TDRD9: variants seen among roughly 807,000 people sequenced by gnomAD.
The protein encoded by TDRD9 is tudor domain containing 9, also known as ATP-dependent RNA helicase TDRD9.
A neutral mutation model predicts 172.6 loss-of-function variants in TDRD9; 124 were observed. The ratio of observed to expected loss-of-function variants is 0.72; its 90% CI spans 0.62 to 0.83. The LOEUF is 0.83. Among genes scored for constraint, TDRD9 ranks in the 40% least tolerant of loss-of-function variants. The probability of loss-of-function intolerance (pLI) is 0.00; values close to 1 mark genes in which losing one functional copy is unlikely to be tolerated. For missense variants in TDRD9, 1,479 were observed against 1,714.1 expected (o/e 0.86, Z 2.42); for synonymous variants, 619 against 617.1 (o/e 1.00, Z -0.05).
chr14:104,020,572 G>A (rs1266521985), intron 23 of TDRD9, among the ~76,000 whole-genome samples: 1 of 152,182 alleles, frequency 6.6e-6, no homozygotes, highest in Non-Finnish European at 1.5e-5. Context: ...TCAGGCAGTG[G>A]GTGGAAGGAA....
intron 5 of TDRD9, among the ~76,000 whole-genome samples, chr14:103,969,976 C>T (rs954752604): frequency 6.6e-6 from 1 of 152,166 alleles, no homozygotes; most frequent in Non-Finnish European, 1.5e-5. Flanking sequence ...CTCTGGTTTA[C>T]CTGTTTGTGA....
rs1249486217 is a variant in TDRD9 at position 103,997,389 on chromosome 14, T to G, written c.1379-1235T>G. On this transcript the variant is annotated intron_variant, in intron 12 of 35. Coordinates refer to ENST00000409874, the MANE Select transcript of TDRD9 (RefSeq NM_153046.3). This position sits in a 1 kb window ranked among gnomAD's most constrained non-coding sequence, Gnocchi z 5.1. Reference sequence around the variant, plus strand: ...GAGAAATTGTGAGAGACACATTTGGTCGGCCTCTAGACATGTGGCCTGAGA... The same window carrying G: ...GAGAAATTGTGAGAGACACATTTGGGCGGCCTCTAGACATGTGGCCTGAGA... Among the ~76,000 whole-genome samples, 2 of 152,250 alleles carry G rather than the reference T, an allele frequency of 1.3e-5. No individual in the cohort carries two copies. The highest frequency in any genetic ancestry group is 3.9e-4 in the East Asian group (2 of 5,186).
Position 104,033,940 on chromosome 14 carries a change from C to T in TDRD9, c.3510-20C>T, listed in dbSNP as rs922754651. Reference sequence around the variant, plus strand: ...GTTAGTGGATCAGTCACCCCATCTCCTGGTGCTCCTGCCTTTTAGGTGTGT... The same window carrying T: ...GTTAGTGGATCAGTCACCCCATCTCTTGGTGCTCCTGCCTTTTAGGTGTGT... On this transcript the variant is annotated intron_variant, in intron 30 of 35. Transcript: ENST00000409874. The T allele has an allele frequency of 7.4e-6, 11 of 1,490,038 alleles. No homozygotes were observed. Among genetic ancestry groups the T allele is most frequent in the East Asian group, 2.5e-5 (1 of 40,374 alleles). 92.3% of individuals were successfully genotyped at this position (1,490,038 alleles called of 1,614,324 possible). A position where few individuals can be genotyped will look rare whatever the true frequency, so the allele number is the denominator to read the frequency against.
At chr14:103,994,295 C>T (rs748430370) in intron 9 of TDRD9, 37 bp from the exon 10 acceptor site, 3 of 1,583,156 alleles carry the variant, frequency 1.9e-6, no homozygotes, top group African/African-American at 1.3e-5. Context: ...TAAATACAAA[C>T]ATGTTTATTT....
intron 13 of TDRD9, among the ~76,000 whole-genome samples, chr14:104,000,583 A>G (rs1324758455): frequency 6.6e-6 from 1 of 152,006 alleles, no homozygotes; most frequent in East Asian, 1.9e-4. Flanking sequence ...TCAGGAGTTC[A>G]AGACCAGCCT....
chr14:103,959,491 T>TACATACAC (rs1043287690), intron 2 of TDRD9, among the ~76,000 whole-genome samples: 4 of 148,352 alleles, frequency 2.7e-5, no homozygotes, highest in Non-Finnish European at 4.5e-5. Flanking sequence ...TATGTATACA[T>TACATACAC]ACACACACAC....
chr14:104,026,991 G>T (rs2035144300), intron 28 of TDRD9, 52 bp downstream of exon 28: 2 of 1,582,572 alleles, frequency 1.3e-6, no homozygotes, highest in African/African-American at 1.3e-5. Flanking sequence ...AGAGAACGGG[G>T]CAGGCTTTCC....
chr14:103,950,886 C>T (rs1419175481), intron 1 of TDRD9, among the ~76,000 whole-genome samples: 2 of 152,212 alleles, frequency 1.3e-5, no homozygotes, highest in Non-Finnish European at 2.9e-5. Flanking sequence ...CCATCACAAC[C>T]TTTCTAAAAG....
At chr14:103,981,540 G>C (rs564764667) in intron 7 of TDRD9, among the ~76,000 whole-genome samples, 1 of 152,328 alleles carries the variant, frequency 6.6e-6, no homozygotes, top group East Asian at 1.9e-4. Flanking sequence ...AAATATTTCA[G>C]TGAATGAATA....
At chr14:103,991,019 T>G in intron 8 of TDRD9, 141 bp from the exon 9 acceptor site, 1 of 984,298 alleles carries the variant, frequency 1.0e-6, no homozygotes, top group African/African-American at 1.6e-5. Context: ...GCTTCGTGTT[T>G]TCTTATGTAA....
chr14:104,027,453 A>G (rs1469571927), intron 28 of TDRD9, among the ~76,000 whole-genome samples: 1 of 152,218 alleles, frequency 6.6e-6, no homozygotes, highest in Non-Finnish European at 1.5e-5. Flanking sequence ...AGTAGTTAAT[A>G]AAATATTTCA....
At chr14:103,933,055 C>T (rs1274116479) in intron 1 of TDRD9, among the ~76,000 whole-genome samples, 5 of 152,156 alleles carry the variant, frequency 3.3e-5, no homozygotes, top group Non-Finnish European at 7.3e-5. Context: ...GCCGGAGTGC[C>T]TGTGGGGAAC....
chr14:104,005,938 A>C (rs1330330821), intron 15 of TDRD9, among the ~76,000 whole-genome samples: 2 of 152,176 alleles, frequency 1.3e-5, no homozygotes, highest in African/African-American at 4.8e-5. Context: ...TGGCCTCCCA[A>C]GTAGCTGAGA....
chr14:104,042,249 C>A, intron 34 of TDRD9, 62 bp downstream of exon 34: 2 of 1,156,448 alleles, frequency 1.7e-6, no homozygotes, highest in South Asian at 2.5e-5. Flanking sequence ...CTGCCTTGAT[C>A]ATGGCTGTTT....
At chr14:104,027,778 G>T (rs978831532) in intron 28 of TDRD9, among the ~76,000 whole-genome samples, 1 of 152,128 alleles carries the variant, frequency 6.6e-6, no homozygotes, top group Non-Finnish European at 1.5e-5. Flanking sequence ...CCACAGTGCT[G>T]CAGAACGCAA....
chr14:104,025,754 A>C lies in TDRD9; in HGVS notation c.2909A>C (p.Tyr970Ser). 6.2e-7 allele frequency: 1 copy of C among 1,613,830 alleles called. No individual in the cohort carries two copies. Among genetic ancestry groups the C allele is most frequent in the South Asian group, 1.1e-5 (1 of 91,048 alleles). Reference sequence around the variant, plus strand: ...CGCTACTTTAGAGCTCAAGTCCTTTATGTTTCTGGAAATTCTGCTGAGGTA... The same window carrying C: ...CGCTACTTTAGAGCTCAAGTCCTTTCTGTTTCTGGAAATTCTGCTGAGGTA... Reference protein sequence around the residue: ...KQRYFRAQVLYVSGNSAEVFF... With the variant: ...KQRYFRAQVLSVSGNSAEVFF... Residue 970 changes from tyrosine (Y) to serine (S), a missense_variant, in exon 26 of 36, where the codon TAT (tyrosine) becomes TCT (serine). By Grantham distance (144) the Tyr-to-Ser change is moderately radical (BLOSUM62 -2). This residue lies in a region of TDRD9 where 1,413 missense variants were observed against 1,649.1 expected (regional missense o/e 0.86). Coordinates refer to ENST00000409874, the MANE Select transcript of TDRD9 (RefSeq NM_153046.3).
At chr14:103,972,850 T>C (rs2033090961) in intron 6 of TDRD9, among the ~76,000 whole-genome samples, 1 of 152,234 alleles carries the variant, frequency 6.6e-6, no homozygotes. Flanking sequence ...AGTTGTCTTA[T>C]TGCTTGAGGT....
intron 7 of TDRD9, among the ~76,000 whole-genome samples, chr14:103,984,280 G>T (rs907299767): frequency 5.9e-5 from 9 of 152,208 alleles, no homozygotes; most frequent in African/African-American, 2.2e-4. Flanking sequence ...AGACAATGGG[G>T]AAAATGTCTC....
At position 103,983,126 on chromosome 14, in the gene TDRD9, C is replaced by T. The variant is rs143485419; in HGVS notation, c.1012-3091C>T. On this transcript the variant is annotated intron_variant, in intron 7 of 35. Coordinates refer to ENST00000409874, the MANE Select transcript of TDRD9 (RefSeq NM_153046.3). ...TCATCCAGGCTGGAGTGCAGTGGCG[C>T]GATCTCAGCTCATTGTAACCTCTGC... Among the ~76,000 whole-genome samples, 123 of 141,064 alleles carry T rather than the reference C, an allele frequency of 8.7e-4. 1 individual carries two copies. In the East Asian group the frequency reaches 0.011, roughly 12 times the overall value. 92.5% of individuals were successfully genotyped at this position (141,064 alleles called of 152,430 possible).
Sources: gnomAD v4.1 joint callset for allele counts (sites outside exome capture counted in the v4.1 genomes callset) on GRCh38, gnomAD v4.1.1 for gene constraint, gnomAD v4.1.1 regional missense constraint, Gnocchi (gnomAD v3.1) non-coding constraint, MANE v1.5 for transcripts, NCBI Gene and HGNC (gene_info 2026-07-23, HGNC 2026-07-21) for gene names.